The following YPEL1 variants were observed in gnomAD, a reference collection of about 807,000 sequenced individuals.
The protein encoded by YPEL1 is protein yippee-like 1.
Under a neutral mutation model 17.3 loss-of-function variants are expected in YPEL1, and 7 were observed. That is an observed-to-expected ratio of 0.40 (90% CI 0.23 to 0.76). The LOEUF (loss-of-function observed/expected upper bound fraction) is 0.76. Ranked by LOEUF, YPEL1 falls within the 30% of genes least tolerant of loss-of-function variation. YPEL1 has a pLI of 0.35. For missense variants in YPEL1, 91 were observed against 155.5 expected, an observed-to-expected ratio of 0.59 and a Z score of 2.21; for synonymous variants, 59 against 59.6, an observed-to-expected ratio of 0.99 and a Z score of 0.05.
At chr22:21,731,468 T>C (rs1345004991) in intron 1 of YPEL1, among the ~76,000 whole-genome samples, 1 of 151,752 alleles carries the variant, frequency 6.6e-6, no homozygotes, top group Non-Finnish European at 1.5e-5. Flanking sequence ...TAAAAACTAC[T>C]TTATTTACCC....
chr22:21,714,121 C>T (rs2068198277), intron 1 of YPEL1, among the ~76,000 whole-genome samples: 1 of 152,060 alleles, frequency 6.6e-6, no homozygotes, highest in Non-Finnish European at 1.5e-5. Context: ...CCCAGGACGG[C>T]GTCTGCCCCC....
At position 21,703,711 on chromosome 22, in the gene YPEL1, C is replaced by G. The variant is rs861814; in HGVS notation, c.161+128G>C. 502,381 of 1,034,268 alleles carry G rather than the reference C, an allele frequency of 0.49. 129,103 individuals carry two copies. Among genetic ancestry groups the G allele is most frequent in the Non-Finnish European group, 0.53 (377,967 of 713,698 alleles). 64.1% of individuals were successfully genotyped at this position (1,034,268 alleles called of 1,614,324 possible). ...CTTAGCGCGTTTCAGAAACTCCCGG[C>G]GGGGGGATGGTGGGTTCTTTCAGGA... On this transcript the variant is annotated intron_variant, in intron 3 of 4. Coordinates refer to ENST00000339468, the MANE Select transcript of YPEL1 (RefSeq NM_013313.5). The surrounding 1 kb of genome is among the most constrained non-coding windows in gnomAD (Gnocchi z 6.1).
intron 4 of YPEL1, among the ~76,000 whole-genome samples, chr22:21,701,685 A>G (rs570769211): frequency 6.6e-6 from 1 of 152,314 alleles, no homozygotes; most frequent in South Asian, 2.1e-4. Flanking sequence ...AGGCTTGAAG[A>G]GATGCAAAAG....
Position 21,710,785 on chromosome 22 carries a change from G to C in YPEL1, c.-41C>G. ...CTCACTCAGCTCAGGGCTGGTTCTG[G>C]AAGAACCGTGGCTCTGCTGGCCTCT... On this transcript the variant is annotated 5_prime_UTR_variant, in exon 2 of 5. Coordinates refer to ENST00000339468, the MANE Select transcript of YPEL1 (RefSeq NM_013313.5). 7 of 1,546,784 alleles carry C rather than the reference G, an allele frequency of 4.5e-6. No homozygotes were observed. The highest frequency in any genetic ancestry group is 6.3e-6 in the Non-Finnish European group (7 of 1,118,628).
rs781218002 is a variant in YPEL1 at position 21,703,484 on chromosome 22, G to A, written c.162-6C>T. 35 of 1,605,830 alleles carry A rather than the reference G, an allele frequency of 2.2e-5. No individual in the cohort carries two copies. The highest frequency in any genetic ancestry group is 4.0e-5 in the African/African-American group (3 of 74,898). ...GGCCGCAGCCCACGTTCACCCTGCG[G>A]GGACAGAGGGGCCACTGCGCTGCAG... On this transcript the variant is annotated splice_region_variant and splice_polypyrimidine_tract_variant and intron_variant, in intron 3 of 4. Coordinates refer to ENST00000339468, the MANE Select transcript of YPEL1 (RefSeq NM_013313.5). This position sits in a 1 kb window ranked among gnomAD's most constrained non-coding sequence, Gnocchi z 6.1.
intron 1 of YPEL1, among the ~76,000 whole-genome samples, chr22:21,732,589 C>A (rs983395580): frequency 6.6e-6 from 1 of 152,142 alleles, no homozygotes; most frequent in African/African-American, 2.4e-5. Flanking sequence ...TGAGGCCATC[C>A]TGGCCAACCT....
chr22:21,704,367 C>A (rs2068096652), intron 2 of YPEL1, among the ~76,000 whole-genome samples: 1 of 152,154 alleles, frequency 6.6e-6, no homozygotes. Context: ...TTTTAAAAGT[C>A]ACAGCATGGC....
At chr22:21,729,538 T>C (rs892797555) in intron 1 of YPEL1, among the ~76,000 whole-genome samples, 3 of 151,882 alleles carry the variant, frequency 2.0e-5, no homozygotes, top group Non-Finnish European at 4.4e-5. Flanking sequence ...GAGGTCAAGG[T>C]TGCTGTGAGC....
rs576108014 is a variant in YPEL1, at chr22:21,730,016, G to A, written c.-165+5599C>T. Among the ~76,000 whole-genome samples, 86 of 151,856 alleles carry A rather than the reference G, an allele frequency of 5.7e-4. 1 individual carries two copies. In the Middle Eastern group the frequency reaches 0.014, roughly 24 times the overall value. The stretch of plus-strand genomic sequence containing the variant: ...AAAATACAAAAATTAGCTCGGTGTG[G>A]TGGTGGGCACCTTTAGTCTCAGCTA... On this transcript the variant is annotated intron_variant, in intron 1 of 4. Transcript: ENST00000339468.
At chr22:21,710,542 G>A (rs1601629042) in intron 2 of YPEL1, 86 bp downstream of exon 2, 4 of 1,164,132 alleles carry the variant, frequency 3.4e-6, no homozygotes, top group East Asian at 4.7e-5. Context: ...AGGAAGTCAT[G>A]TGATGCTTAA....
Position 21,698,376 on chromosome 22 carries a change from T to C in YPEL1, c.*2753A>G, listed in dbSNP as rs984249060. 3 of 152,154 alleles carry C rather than the reference T, an allele frequency of 2.0e-5. No individual in the cohort carries two copies. Among genetic ancestry groups the C allele is most frequent in the African/African-American group, 7.3e-5 (3 of 41,374 alleles). 9.4% of individuals were successfully genotyped at this position (152,154 alleles called of 1,614,324 possible). On this transcript the variant is annotated 3_prime_UTR_variant, in exon 5 of 5. Coordinates refer to ENST00000339468, the MANE Select transcript of YPEL1 (RefSeq NM_013313.5). ...GCCCAAATAGAAGGAGCAGCGAACTTGCCCAAAACAGAAAAGCTCTAAATA... is the reference window on the plus strand; with the variant it reads ...GCCCAAATAGAAGGAGCAGCGAACTCGCCCAAAACAGAAAAGCTCTAAATA...
intron 1 of YPEL1, among the ~76,000 whole-genome samples, chr22:21,732,510 G>A (rs765117838): frequency 2.0e-5 from 3 of 152,140 alleles, no homozygotes; most frequent in Non-Finnish European, 4.4e-5. Context: ...GGCCAGGCGC[G>A]GTGGCTCACG....
intron 1 of YPEL1, among the ~76,000 whole-genome samples, chr22:21,730,194 G>A (rs904453099): frequency 3.9e-5 from 6 of 151,960 alleles, no homozygotes; most frequent in Admixed American, 1.3e-4. Flanking sequence ...AAAAGAGACT[G>A]GCCAAATGCA....
At chr22:21,733,309 C>T (rs1225478281) in intron 1 of YPEL1, among the ~76,000 whole-genome samples, 1 of 151,728 alleles carries the variant, frequency 6.6e-6, no homozygotes, top group Non-Finnish European at 1.5e-5. Context: ...CCCAGCTACT[C>T]GGGAGGCTGA....
At chr22:21,726,101 G>A (rs2068332773) in intron 1 of YPEL1, among the ~76,000 whole-genome samples, 1 of 152,180 alleles carries the variant, frequency 6.6e-6, no homozygotes, top group African/African-American at 2.4e-5. Context: ...TGCGGGCAGG[G>A]GCCGTGGGGT....
In YPEL1 at chr22:21,703,713, G is replaced by GGT; in HGVS notation, c.161+125_161+126insAC. On this transcript the variant is annotated intron_variant, in intron 3 of 4. Coordinates refer to ENST00000339468, the MANE Select transcript of YPEL1 (RefSeq NM_013313.5). The surrounding 1 kb of genome is among the most constrained non-coding windows in gnomAD (Gnocchi z 6.1). ...TAGCGCGTTTCAGAAACTCCCGGCG[G>GGT]GGGGATGGTGGGTTCTTTCAGGACC... 1 of 1,115,074 alleles carries GGT rather than the reference G, an allele frequency of 9.0e-7. No homozygotes were observed. The highest frequency in any genetic ancestry group is 2.3e-4 in the Middle Eastern group (1 of 4,430). The allele number at this position is 1,115,074 out of a possible 1,614,324, so 69.1% of individuals were successfully genotyped here.
Position 21,710,756 on chromosome 22 carries a change from A to G in YPEL1, c.-12T>C, listed in dbSNP as rs376598686. The G allele has an allele frequency of 1.9e-6, 3 of 1,608,686 alleles. No individual in the cohort carries two copies. Among genetic ancestry groups the G allele is most frequent in the Non-Finnish European group, 2.6e-6 (3 of 1,175,184 alleles). On this transcript the variant is annotated 5_prime_UTR_variant, in exon 2 of 5. Transcript: ENST00000339468. ...GTCATTTTCACCATCTCTCCTGGGC[A>G]CTCCTCACTCAGCTCAGGGCTGGTT...
intron 1 of YPEL1, among the ~76,000 whole-genome samples, chr22:21,714,451 C>T (rs7285365): frequency 0.18 from 28,105 of 152,140 alleles, 2,833 homozygotes; most frequent in African/African-American, 0.24. Context: ...TGCTGTGAGA[C>T]TTCTCTGCTG....
In YPEL1 at chr22:21,710,912, C is replaced by A; in HGVS notation, c.-164-4G>T. 1 of 664,138 alleles carries A rather than the reference C, an allele frequency of 1.5e-6. No individual in the cohort carries two copies. Among genetic ancestry groups the A allele is most frequent in the South Asian group, 1.7e-5 (1 of 58,912 alleles). The allele number at this position is 664,138 out of a possible 1,614,324, so 41.1% of individuals were successfully genotyped here. On this transcript the variant is annotated splice_polypyrimidine_tract_variant and splice_region_variant and intron_variant, in intron 1 of 4. Transcript: ENST00000339468. Reference sequence around the variant, plus strand: ...TGGGACGAGAGAAAAACGTAACCTGCCAACCAATCAGACAAAGTGGTGGGT... The same window carrying A: ...TGGGACGAGAGAAAAACGTAACCTGACAACCAATCAGACAAAGTGGTGGGT...
Sources: gnomAD v4.1 joint callset for allele counts (sites outside exome capture counted in the v4.1 genomes callset) on GRCh38, gnomAD v4.1.1 for gene constraint, Gnocchi (gnomAD v3.1) non-coding constraint, MANE v1.5 for transcripts, NCBI Gene and HGNC (gene_info 2026-07-23, HGNC 2026-07-21) for gene names.